PRKCQ: variants seen among roughly 807,000 people sequenced by gnomAD.
The protein encoded by PRKCQ is protein kinase C theta type.
In PRKCQ, 41 loss-of-function variants were observed where a neutral mutation model predicts 91.2. The ratio of observed to expected loss-of-function variants is 0.45; its 90% CI spans 0.35 to 0.58. The LOEUF is 0.58. Ranked by LOEUF, PRKCQ falls within the 20% of genes least tolerant of loss-of-function variation. The pLI is 0.00. For synonymous variants in PRKCQ, 307 were observed against 316.9 expected (o/e 0.97, Z 0.33); for missense variants, 673 against 896.5 (o/e 0.75, Z 3.18).
At chr10:6,533,652 T>C (rs886453387) in intron 1 of PRKCQ, among the ~76,000 whole-genome samples, 1 of 152,154 alleles carries the variant, frequency 6.6e-6, no homozygotes, top group African/African-American at 2.4e-5. Context: ...GATATTATAA[T>C]GGGAATAATG....
chr10:6,464,805 T>C (rs546934948), intron 12 of PRKCQ, among the ~76,000 whole-genome samples: 80 of 152,332 alleles, frequency 5.3e-4, no homozygotes, highest in African/African-American at 1.9e-3. Context: ...ACTTTTTAAA[T>C]GGATTAGATC....
intron 1 of PRKCQ, among the ~76,000 whole-genome samples, chr10:6,526,682 G>A (rs561572426): frequency 6.6e-5 from 10 of 152,308 alleles, no homozygotes; most frequent in African/African-American, 2.2e-4. Flanking sequence ...TGAGCAAGGG[G>A]TAGAGAAGAC....
intron 16 of PRKCQ, among the ~76,000 whole-genome samples, chr10:6,433,439 G>C (rs2132233829): frequency 6.6e-6 from 1 of 152,248 alleles, no homozygotes; most frequent in South Asian, 2.1e-4. Flanking sequence ...GCACAACATA[G>C]ATGCTCAGTA....
chr10:6,446,877 G>A (rs897600189), intron 15 of PRKCQ, among the ~76,000 whole-genome samples: 6 of 152,144 alleles, frequency 3.9e-5, no homozygotes, highest in African/African-American at 7.2e-5. Flanking sequence ...TTCACCGAAC[G>A]ACGCCAGAGC....
chr10:6,499,940 C>A (rs1425639120), intron 4 of PRKCQ, among the ~76,000 whole-genome samples: 1 of 152,246 alleles, frequency 6.6e-6, no homozygotes, highest in Non-Finnish European at 1.5e-5. Flanking sequence ...GGACTGAAGT[C>A]TTTTCTGTAG....
chr10:6,553,346 T>C, intron 1 of PRKCQ, among the ~76,000 whole-genome samples: 1 of 151,736 alleles, frequency 6.6e-6, no homozygotes, highest in Non-Finnish European at 1.5e-5. Flanking sequence ...AAAAATTAGC[T>C]GGGCATGGTA....
Position 6,483,426 on chromosome 10 carries a change from G to T in PRKCQ, c.1179+14C>A, listed in dbSNP as rs200330266. The T allele has an allele frequency of 6.2e-7, 1 of 1,613,966 alleles. No homozygotes were observed. ...TGGAGTTGGGCCATAGCATTCTCCCGTGCATTAGCTTACCTTGCCAAAACT... is the reference window on the plus strand; with the variant it reads ...TGGAGTTGGGCCATAGCATTCTCCCTTGCATTAGCTTACCTTGCCAAAACT... On this transcript the variant is annotated intron_variant, in intron 11 of 17. Transcript: ENST00000263125.
chr10:6,556,771 C>T (rs1215244674), intron 1 of PRKCQ, among the ~76,000 whole-genome samples: 2 of 152,066 alleles, frequency 1.3e-5, no homozygotes, highest in African/African-American at 4.8e-5. Flanking sequence ...TTATTCCTGG[C>T]CTGTTTATTT....
intron 12 of PRKCQ, among the ~76,000 whole-genome samples, chr10:6,478,587 A>G (rs656715): frequency 0.19 from 28,316 of 152,156 alleles, 2,798 homozygotes; most frequent in Middle Eastern, 0.32. Flanking sequence ...TTTTTCTGCC[A>G]GCCTTGAAGA....
chr10:6,498,566 AAGAG>A lies in PRKCQ; in HGVS notation c.380-12_380-9del, dbSNP rs780985711. 19 of 1,613,142 alleles carry A rather than the reference AAGAG, an allele frequency of 1.2e-5. No individual in the cohort carries two copies. In the South Asian group the frequency reaches 2.1e-4, roughly 18 times the overall value. ...CATTCATGTCCTTTGTGTCTACAGG[AAGAG>A]AGAGGGGAAGAAAGTGAAGTTCTGC... is the stretch of plus-strand genomic sequence containing the variant. On this transcript the variant is annotated splice_polypyrimidine_tract_variant and intron_variant, in intron 4 of 17. Coordinates refer to ENST00000263125, the MANE Select transcript of PRKCQ (RefSeq NM_006257.5).
intron 4 of PRKCQ, among the ~76,000 whole-genome samples, chr10:6,503,221 A>G (rs1230576110): frequency 6.6e-6 from 1 of 152,208 alleles, no homozygotes. Context: ...GCTAGTACTT[A>G]TTGTCTGAGA....
intron 7 of PRKCQ, among the ~76,000 whole-genome samples, chr10:6,493,936 T>TG (rs1745692496): frequency 6.6e-6 from 1 of 152,232 alleles, no homozygotes; most frequent in South Asian, 2.1e-4. Flanking sequence ...GCCCCTTTGT[T>TG]GGAGAAAATC....
chr10:6,458,333 G>C (rs947081046), intron 14 of PRKCQ, among the ~76,000 whole-genome samples: 1 of 152,182 alleles, frequency 6.6e-6, no homozygotes, highest in Non-Finnish European at 1.5e-5. Context: ...AGGAAGACCA[G>C]TGAGGACCCC....
At chr10:6,399,254 T>G in the PRKCQ span, among the ~76,000 whole-genome samples, 1 of 152,220 alleles carries the variant, frequency 6.6e-6, no homozygotes, top group African/African-American at 2.4e-5. Context: ...CGATAAATAT[T>G]CACCGTGATT....
chr10:6,545,702 C>G (rs1431019417), intron 1 of PRKCQ, among the ~76,000 whole-genome samples: 6 of 152,146 alleles, frequency 3.9e-5, no homozygotes, highest in Admixed American at 3.9e-4. Context: ...GTTCTCATGT[C>G]CCTGAACCGT....
chr10:6,521,338 T>A (rs1283944909), intron 1 of PRKCQ, among the ~76,000 whole-genome samples: 1 of 152,196 alleles, frequency 6.6e-6, no homozygotes, highest in Non-Finnish European at 1.5e-5. Flanking sequence ...TCAAATTAAG[T>A]GACAGACAAT....
chr10:6,546,690 G>A (rs4748142), intron 1 of PRKCQ, among the ~76,000 whole-genome samples: 132,964 of 149,880 alleles, frequency 0.89, 60,044 homozygotes, highest in East Asian at 1. Context: ...GGGACAATTT[G>A]ACTTCCTCTT....
chr10:6,503,322 A>G (rs998795763), intron 4 of PRKCQ, among the ~76,000 whole-genome samples: 1 of 152,192 alleles, frequency 6.6e-6, no homozygotes, highest in Non-Finnish European at 1.5e-5. Flanking sequence ...CTGAGTGATG[A>G]TATGTGGGTT....
chr10:6,564,638 G>A lies in PRKCQ; in HGVS notation c.-10+15573C>T, dbSNP rs57050484. On this transcript the variant is annotated intron_variant, in intron 1 of 17. Transcript: ENST00000263125. ...GGTCTGACTGCAACCTTATGAGAGG[G>A]CCCTAGGGATGCTCTGAAGACCAAA... Among the ~76,000 whole-genome samples, 16 of 152,180 alleles carry A rather than the reference G, an allele frequency of 1.1e-4. No individual in the cohort carries two copies. The East Asian group carries it at 3.1e-3, about 29-fold the overall frequency.
Sources: allele counts gnomAD v4.1 joint callset (sites outside exome capture counted in the v4.1 genomes callset), GRCh38; gene constraint gnomAD v4.1.1; transcripts MANE v1.5; gene names NCBI Gene and HGNC (gene_info 2026-07-23, HGNC 2026-07-21).